The following PFKFB3 variants were observed in gnomAD, a reference collection of about 807,000 sequenced individuals.
The protein encoded by PFKFB3 is 6-phosphofructo-2-kinase/fructose-2,6-bisphosphatase 3.
A neutral mutation model predicts 68.0 loss-of-function variants in PFKFB3; 33 were observed. The observed-to-expected ratio is 0.49, with a 90% CI of 0.37 to 0.65. PFKFB3 has a LOEUF of 0.65. PFKFB3 is among the 30% of genes least tolerant of loss of function. The pLI is 0.00. For synonymous variants in PFKFB3, 315 were observed against 288.2 expected (o/e 1.09, Z -0.94); for missense variants, 586 against 712.2 (o/e 0.82, Z 2.02).
intron 14 of PFKFB3, among the ~76,000 whole-genome samples, chr10:6,250,383 G>C (rs922153197): frequency 1.3e-5 from 2 of 151,948 alleles, no homozygotes; most frequent in African/African-American, 4.8e-5. Flanking sequence ...GGCTAACACG[G>C]TGAAACCCTC....
chr10:6,317,943 G>A, the PFKFB3 span, among the ~76,000 whole-genome samples: 2 of 152,198 alleles, frequency 1.3e-5, no homozygotes, highest in African/African-American at 4.8e-5. Context: ...GAAGCAATTT[G>A]GTGATTCTCA....
the PFKFB3 span, among the ~76,000 whole-genome samples, chr10:6,265,269 C>T: frequency 5.9e-5 from 9 of 151,610 alleles, no homozygotes; most frequent in Admixed American, 3.9e-4. Context: ...TTAGTAGAGG[C>T]GGGGTTTCAC....
chr10:6,265,676 G>A, the PFKFB3 span, among the ~76,000 whole-genome samples: 5 of 152,114 alleles, frequency 3.3e-5, no homozygotes. Context: ...CTCCCTTGGA[G>A]CTAATAAGCA....
At chr10:6,307,330 T>TACACAC in the PFKFB3 span, among the ~76,000 whole-genome samples, 10,315 of 98,706 alleles carry the variant, frequency 0.1, 480 homozygotes, top group Non-Finnish European at 0.19. Context: ...GCATGCGTAC[T>TACACAC]ACACACACAC....
the PFKFB3 span, among the ~76,000 whole-genome samples, chr10:6,286,587 A>G: frequency 8.6e-5 from 13 of 151,278 alleles, no homozygotes; most frequent in African/African-American, 2.9e-4. Context: ...TATGTTCGCC[A>G]GGCTGGTCTC....
At chr10:6,277,319 C>T in the PFKFB3 span, among the ~76,000 whole-genome samples, 2 of 151,942 alleles carry the variant, frequency 1.3e-5, no homozygotes, top group East Asian at 1.9e-4. Flanking sequence ...CTGCAACCTC[C>T]GCCTCCTGGG....
the PFKFB3 span, among the ~76,000 whole-genome samples, chr10:6,302,386 T>G: frequency 8.0e-3 from 1,016 of 126,342 alleles, 25 homozygotes; most frequent in African/African-American, 0.031. Context: ...TTTTTTTTTT[T>G]TTTTTTTTTT....
chr10:6,173,261 T>C (rs657600), intron 1 of PFKFB3, among the ~76,000 whole-genome samples: 31,359 of 152,106 alleles, frequency 0.21, 3,651 homozygotes, highest in East Asian at 0.27. Flanking sequence ...GTGGTCATGT[T>C]TGTGTTTGCC....
In PFKFB3 at chr10:6,215,714, C is replaced by T. The variant is rs569974064; in HGVS notation, c.299+397C>T. Among the ~76,000 whole-genome samples, 159 of 152,314 alleles carry T rather than the reference C, an allele frequency of 1.0e-3. No individual in the cohort carries two copies. The highest frequency in any genetic ancestry group is 3.7e-3 in the African/African-American group (155 of 41,566). The stretch of plus-strand genomic sequence containing the variant: ...GTCTGTTTATGTTTGGAAAGGATTT[C>T]TTGTTAAGTGCGAGTTGATTGTGAA... On this transcript the variant is annotated intron_variant, in intron 3 of 14. Coordinates refer to ENST00000379775, the MANE Select transcript of PFKFB3 (RefSeq NM_004566.4). The surrounding 1 kb of genome is among the most constrained non-coding windows in gnomAD (Gnocchi z 4.3).
At chr10:6,262,436 C>CAG in the PFKFB3 span, among the ~76,000 whole-genome samples, 36 of 116,548 alleles carry the variant, frequency 3.1e-4, no homozygotes, top group African/African-American at 9.9e-4. Flanking sequence ...GCCTGGGCGA[C>CAG]AGCGAGACTC....
intron 13 of PFKFB3, among the ~76,000 whole-genome samples, chr10:6,225,728 T>C (rs1275458271): frequency 7.1e-6 from 1 of 140,446 alleles, no homozygotes; most frequent in Non-Finnish European, 1.6e-5. Context: ...CTTTGTGTAG[T>C]AGAGATGGCT....
At position 6,216,753 on chromosome 10, in the gene PFKFB3, T is replaced by A; in HGVS notation, c.414T>A (p.Leu138=). The change falls in exon 5 of 15, where the codon CTT becomes CTA. Residue 138 remains leucine (L), a synonymous_variant. Coordinates refer to ENST00000379775, the MANE Select transcript of PFKFB3 (RefSeq NM_004566.4). Reference sequence around the variant, plus strand: ...CTAGAGAGAGGAGACACATGATCCTTCATTTTGCCAAAGAAAATGACTTTA... The same window carrying A: ...CTAGAGAGAGGAGACACATGATCCTACATTTTGCCAAAGAAAATGACTTTA... ...NTTRERRHMI[L]HFAKENDFKA... 1.2e-6 allele frequency: 2 copies of A among 1,613,684 alleles called. No individual in the cohort carries two copies. Among genetic ancestry groups the A allele is most frequent in the Non-Finnish European group, 1.7e-6 (2 of 1,179,558 alleles).
chr10:6,223,581 G>A (rs1263437120), intron 11 of PFKFB3, among the ~76,000 whole-genome samples: 1 of 152,118 alleles, frequency 6.6e-6, no homozygotes, highest in African/African-American at 2.4e-5. Flanking sequence ...GTCCTTGTTG[G>A]GGGGACCGTA....
At chr10:6,240,323 G>A (rs928632349), downstream of PFKFB3, among the ~76,000 whole-genome samples, 1 of 152,092 alleles carries the variant, frequency 6.6e-6, no homozygotes, top group African/African-American at 2.4e-5. Flanking sequence ...GGACTGCGGT[G>A]GCACTATCTC....
intron 14 of PFKFB3, among the ~76,000 whole-genome samples, chr10:6,243,666 T>C (rs1037650430): frequency 1.3e-5 from 2 of 152,222 alleles, no homozygotes; most frequent in Non-Finnish European, 2.9e-5. Context: ...AGAGAAATTA[T>C]TCTTCTGTCA....
At position 6,215,081 on chromosome 10, in the gene PFKFB3, C is replaced by T. The variant is rs1310462864; in HGVS notation, c.203-140C>T. Reference sequence around the variant, plus strand: ...TTGAGGGTAGCGTAGGACTGGGCGCCGGCATTGCTTCCACACCATCTCATT... The same window carrying T: ...TTGAGGGTAGCGTAGGACTGGGCGCTGGCATTGCTTCCACACCATCTCATT... On this transcript the variant is annotated intron_variant, in intron 2 of 14. Coordinates refer to ENST00000379775, the MANE Select transcript of PFKFB3 (RefSeq NM_004566.4). This position sits in a 1 kb window ranked among gnomAD's most constrained non-coding sequence, Gnocchi z 4.3. The T allele has an allele frequency of 1.0e-5, 7 of 675,314 alleles. 1 individual carries two copies. The highest frequency in any genetic ancestry group is 1.8e-5 in the Non-Finnish European group (7 of 382,528). The allele number at this position is 675,314 out of a possible 1,614,324, so 41.8% of individuals were successfully genotyped here.
chr10:6,273,817 A>G, the PFKFB3 span, among the ~76,000 whole-genome samples: 8 of 152,194 alleles, frequency 5.3e-5, no homozygotes, highest in African/African-American at 1.9e-4. Flanking sequence ...GGTCAAGGAC[A>G]GACACCTGGA....
At chr10:6,273,696 G>A in the PFKFB3 span, among the ~76,000 whole-genome samples, 3 of 152,206 alleles carry the variant, frequency 2.0e-5, no homozygotes, top group African/African-American at 7.2e-5. Context: ...GAGGTCATTA[G>A]GATGGGCCTT....
At position 6,186,462 on chromosome 10, in the gene PFKFB3, A is replaced by T. The variant is rs574075292; in HGVS notation, c.17-27161A>T. Among the ~76,000 whole-genome samples the T allele has an allele frequency of 2.0e-5, 3 of 152,330 alleles. No homozygotes were observed. The East Asian group carries it at 5.8e-4, about 29-fold the overall frequency. On this transcript the variant is annotated intron_variant, in intron 1 of 14. Transcript: ENST00000379789. Reference sequence around the variant, plus strand: ...AGTGTGGAGTGGTCGCAGGTATACCAGTGAACAGTGCCCCCACATAAAGTG... The same window carrying T: ...AGTGTGGAGTGGTCGCAGGTATACCTGTGAACAGTGCCCCCACATAAAGTG...
Sources: gnomAD v4.1 joint callset for allele counts (sites outside exome capture counted in the v4.1 genomes callset) on GRCh38, gnomAD v4.1.1 for gene constraint, Gnocchi (gnomAD v3.1) non-coding constraint, MANE v1.5 for transcripts, NCBI Gene and HGNC (gene_info 2026-07-23, HGNC 2026-07-21) for gene names.